CPQ: variants seen among roughly 807,000 people sequenced by gnomAD.
CPQ encodes the protein carboxypeptidase Q.
A neutral mutation model predicts 45.7 loss-of-function variants in CPQ; 37 were observed. The observed-to-expected ratio is 0.81, with a 90% confidence interval of 0.62 to 1.07. The LOEUF (loss-of-function observed/expected upper bound fraction) is 1.07. Among genes scored for constraint, CPQ ranks in the 50% least tolerant of loss-of-function variants. The pLI is 0.00. For missense variants in CPQ, 537 were observed against 572.9 expected (o/e 0.94, Z 0.64); for synonymous variants, 186 against 205.8 (o/e 0.90, Z 0.82).
chr8:96,743,400 A>G lies in CPQ; in HGVS notation c.-34-41464A>G, dbSNP rs542000945. On this transcript the variant is annotated intron_variant, in intron 1 of 7. Transcript: ENST00000220763. Reference sequence around the variant, plus strand: ...TTCTAAATTTTTTTCAAAGTTTTCAACTTCTTTGCCTTTGGTTTGAATGTC... The same window carrying G: ...TTCTAAATTTTTTTCAAAGTTTTCAGCTTCTTTGCCTTTGGTTTGAATGTC... 1.3e-3 allele frequency among the ~76,000 whole-genome samples: 203 copies of G among 151,890 alleles called. 2 individuals are homozygous for G. Among genetic ancestry groups the G allele is most frequent in the African/African-American group, 4.8e-3 (199 of 41,398 alleles).
intron 7 of CPQ, among the ~76,000 whole-genome samples, chr8:97,135,931 G>T (rs182167449): frequency 6.6e-6 from 1 of 152,296 alleles, no homozygotes; most frequent in Non-Finnish European, 1.5e-5. Flanking sequence ...ATGAATGAGA[G>T]TCAACCTATA....
intron 7 of CPQ, among the ~76,000 whole-genome samples, chr8:97,117,469 T>C (rs1811614453): frequency 6.6e-6 from 1 of 152,182 alleles, no homozygotes; most frequent in Non-Finnish European, 1.5e-5. Context: ...TCTACCATGT[T>C]CCAATAGAGC....
chr8:96,755,654 A>G (rs1278368074), intron 1 of CPQ, among the ~76,000 whole-genome samples: 3 of 152,064 alleles, frequency 2.0e-5, no homozygotes, highest in South Asian at 4.1e-4. Context: ...CACAAAGTAT[A>G]TAATTAATTC....
chr8:97,119,285 T>C (rs764579966), intron 7 of CPQ, among the ~76,000 whole-genome samples: 4 of 136,842 alleles, frequency 2.9e-5, no homozygotes, highest in Non-Finnish European at 6.0e-5. Context: ...GCTGAGATGG[T>C]GCCACTGCAC....
intron 1 of CPQ, among the ~76,000 whole-genome samples, chr8:96,668,384 A>G (rs746392174): frequency 2.6e-5 from 4 of 152,210 alleles, no homozygotes; most frequent in Non-Finnish European, 1.5e-5. Flanking sequence ...ATGACCAAGG[A>G]TGAGATCATT....
chr8:96,961,906 A>G (rs1310146422), intron 4 of CPQ, among the ~76,000 whole-genome samples: 2 of 152,034 alleles, frequency 1.3e-5, no homozygotes, highest in Non-Finnish European at 2.9e-5. Context: ...CATATTTTTC[A>G]TATGTCTCAT....
chr8:97,139,082 G>A (rs1242185652), intron 7 of CPQ, among the ~76,000 whole-genome samples: 1 of 152,078 alleles, frequency 6.6e-6, no homozygotes, highest in Non-Finnish European at 1.5e-5. Context: ...GATGGGAAAG[G>A]ACATACCAGG....
chr8:97,114,492 T>G (rs1811549770), intron 7 of CPQ, among the ~76,000 whole-genome samples: 1 of 152,206 alleles, frequency 6.6e-6, no homozygotes, highest in Non-Finnish European at 1.5e-5. Context: ...ACACAGTAGG[T>G]GTTCAGTATT....
At chr8:97,010,487 A>G (rs1033591404) in intron 5 of CPQ, among the ~76,000 whole-genome samples, 3 of 152,170 alleles carry the variant, frequency 2.0e-5, no homozygotes, top group Non-Finnish European at 4.4e-5. Context: ...AAATTAAATG[A>G]GATAATGTCT....
chr8:96,649,010 C>T (rs889025440), intron 1 of CPQ, among the ~76,000 whole-genome samples: 2 of 152,196 alleles, frequency 1.3e-5, no homozygotes, highest in African/African-American at 4.8e-5. Flanking sequence ...GAGGCAAGGC[C>T]TCTCTCTGTC....
At chr8:96,885,278 C>T (rs895544184) in intron 4 of CPQ, among the ~76,000 whole-genome samples, 1 of 152,106 alleles carries the variant, frequency 6.6e-6, no homozygotes, top group African/African-American at 2.4e-5. Context: ...ATAATTAACC[C>T]ATTCCTTTGA....
At chr8:96,909,572 G>A (rs1168128526) in intron 4 of CPQ, among the ~76,000 whole-genome samples, 1 of 152,138 alleles carries the variant, frequency 6.6e-6, no homozygotes, top group African/African-American at 2.4e-5. Context: ...TGTCCATGGA[G>A]CTGGGGATGT....
At chr8:96,878,455 C>A (rs1812177250) in intron 3 of CPQ, among the ~76,000 whole-genome samples, 1 of 152,142 alleles carries the variant, frequency 6.6e-6, no homozygotes, top group African/African-American at 2.4e-5. Context: ...TGCAAAATAA[C>A]TCTATGAAAT....
intron 7 of CPQ, among the ~76,000 whole-genome samples, chr8:97,088,618 C>G (rs564288475): frequency 6.6e-6 from 1 of 152,150 alleles, no homozygotes; most frequent in African/African-American, 2.4e-5. Flanking sequence ...TATTTAAATG[C>G]TACAGTAGCT....
chr8:96,937,928 T>C (rs1813076006), intron 4 of CPQ, among the ~76,000 whole-genome samples: 1 of 152,206 alleles, frequency 6.6e-6, no homozygotes, highest in Non-Finnish European at 1.5e-5. Flanking sequence ...TAAAAGGAAG[T>C]TGGTTTGTTG....
At chr8:96,853,764 G>A (rs1811804096) in intron 3 of CPQ, among the ~76,000 whole-genome samples, 1 of 152,060 alleles carries the variant, frequency 6.6e-6, no homozygotes, top group African/African-American at 2.4e-5. Flanking sequence ...TACATTATTT[G>A]GTAGTGTAGT....
intron 5 of CPQ, among the ~76,000 whole-genome samples, chr8:96,987,189 GTATACT>G (rs1563546958): frequency 1.3e-5 from 2 of 152,102 alleles, no homozygotes; most frequent in Non-Finnish European, 1.5e-5. Context: ...CATATGTTAT[GTATACT>G]TCCATTGTCA....
chr8:96,928,154 G>A (rs1357139310), intron 4 of CPQ, among the ~76,000 whole-genome samples: 2 of 152,086 alleles, frequency 1.3e-5, no homozygotes, highest in East Asian at 1.9e-4. Flanking sequence ...CTCTCATGAA[G>A]CATTTTCTAT....
intron 4 of CPQ, among the ~76,000 whole-genome samples, chr8:96,944,631 G>A (rs1160776192): frequency 1.3e-5 from 2 of 152,114 alleles, no homozygotes; most frequent in Non-Finnish European, 2.9e-5. Flanking sequence ...CACTGTACGA[G>A]AGTGGATATG....
Sources: allele counts gnomAD v4.1 joint callset (sites outside exome capture counted in the v4.1 genomes callset), GRCh38; gene constraint gnomAD v4.1.1; transcripts MANE v1.5; gene names NCBI Gene and HGNC (gene_info 2026-07-23, HGNC 2026-07-21).